The following CDK14 variants were observed in gnomAD, a reference collection of about 807,000 sequenced individuals.
CDK14 encodes the protein cyclin-dependent kinase 14.
CDK14 carries 34 observed loss-of-function variants against 60.7 expected under a neutral mutation model. That is an observed-to-expected ratio of 0.56 (90% CI 0.43 to 0.75). The LOEUF (loss-of-function observed/expected upper bound fraction) is 0.75, where lower values mean the gene tolerates loss of function less well. CDK14 is among the 30% of genes least tolerant of loss of function. CDK14 has a pLI of 0.00. For missense variants in CDK14, 482 were observed against 564.1 expected (o/e 0.85, Z 1.47); for synonymous variants, 197 against 203.7 (o/e 0.97, Z 0.28).
chr7:90,935,467 G>A (rs998963093), intron 8 of CDK14, among the ~76,000 whole-genome samples: 1 of 152,168 alleles, frequency 6.6e-6, no homozygotes, highest in South Asian at 2.1e-4. Flanking sequence ...TACAAAAGGG[G>A]AATGCACAGT....
chr7:91,160,733 T>C (rs1801145460), intron 14 of CDK14, among the ~76,000 whole-genome samples: 1 of 152,138 alleles, frequency 6.6e-6, no homozygotes, highest in Non-Finnish European at 1.5e-5. Context: ...TTCCTTTTTA[T>C]TTACTTTATT....
chr7:90,819,932 T>C (rs532063165), intron 5 of CDK14, among the ~76,000 whole-genome samples: 13 of 152,280 alleles, frequency 8.5e-5, no homozygotes, highest in African/African-American at 2.9e-4. Context: ...TTTCCAAATT[T>C]TTGGTCATCC....
At chr7:91,058,979 G>A (rs780569314) in intron 11 of CDK14, among the ~76,000 whole-genome samples, 31 of 152,316 alleles carry the variant, frequency 2.0e-4, no homozygotes, top group Non-Finnish European at 4.4e-4. Flanking sequence ...AGAAGGAATG[G>A]TACCAGCTCC....
intron 4 of CDK14, among the ~76,000 whole-genome samples, chr7:90,779,868 T>C (rs1805234165): frequency 6.6e-6 from 1 of 152,208 alleles, no homozygotes; most frequent in Admixed American, 6.5e-5. Context: ...AAATACACTT[T>C]GTTTGAATCC....
intron 7 of CDK14, 85 bp downstream of exon 7, chr7:90,899,438 A>ATTTAAATTT (rs1792433215): frequency 9.6e-7 from 1 of 1,041,336 alleles, no homozygotes; most frequent in Non-Finnish European, 1.3e-6. Context: ...ACCATAACAT[A>ATTTAAATTT]TTTAAATTTT....
intron 5 of CDK14, among the ~76,000 whole-genome samples, chr7:90,797,555 C>T (rs1023489813): frequency 5.3e-5 from 8 of 151,932 alleles, no homozygotes; most frequent in East Asian, 3.9e-4. Flanking sequence ...AGTAACCCTA[C>T]GTATTAATCC....
intron 6 of CDK14, among the ~76,000 whole-genome samples, chr7:90,879,311 G>A (rs767688758): frequency 1.3e-5 from 2 of 152,200 alleles, no homozygotes; most frequent in South Asian, 2.1e-4. Context: ...ACCCATGCTA[G>A]TGTTGTCATC....
At chr7:90,615,680 A>G (rs1343458028) in intron 2 of CDK14, among the ~76,000 whole-genome samples, 1 of 152,224 alleles carries the variant, frequency 6.6e-6, no homozygotes, top group Non-Finnish European at 1.5e-5. Flanking sequence ...ATATGAAATT[A>G]TAACCTGTGA....
chr7:90,915,951 T>A (rs1281582890), intron 7 of CDK14, among the ~76,000 whole-genome samples: 2 of 152,248 alleles, frequency 1.3e-5, no homozygotes, highest in African/African-American at 2.4e-5. Flanking sequence ...CTGATAAGAC[T>A]CTGCTAGATC....
chr7:90,861,835 G>A (rs2117216574), intron 5 of CDK14, among the ~76,000 whole-genome samples: 1 of 152,130 alleles, frequency 6.6e-6, no homozygotes, highest in South Asian at 2.1e-4. Context: ...ATAGAATAAA[G>A]TAGCCCACAT....
chr7:90,884,588 T>C (rs905609345), intron 6 of CDK14, among the ~76,000 whole-genome samples: 2 of 152,156 alleles, frequency 1.3e-5, no homozygotes, highest in Non-Finnish European at 2.9e-5. Context: ...AAAACCATTT[T>C]AAATTTCATA....
intron 2 of CDK14, among the ~76,000 whole-genome samples, chr7:90,697,720 C>A (rs985843729): frequency 6.6e-6 from 1 of 152,010 alleles, no homozygotes. Context: ...TGTAGAATAT[C>A]TAAATAGTAT....
intron 2 of CDK14, among the ~76,000 whole-genome samples, chr7:90,621,901 A>T (rs1563018920): frequency 6.6e-6 from 1 of 152,318 alleles, no homozygotes; most frequent in East Asian, 1.9e-4. Context: ...CCAGAAGTGG[A>T]GGTGACCCAG....
At chr7:90,604,516 T>C (rs1012366416) in intron 2 of CDK14, among the ~76,000 whole-genome samples, 8 of 152,212 alleles carry the variant, frequency 5.3e-5, no homozygotes, top group African/African-American at 1.2e-4. Context: ...GCCTTCTTGC[T>C]AGTGGTAGTG....
chr7:90,683,060 A>G (rs1273397108), intron 2 of CDK14, among the ~76,000 whole-genome samples: 1 of 152,090 alleles, frequency 6.6e-6, no homozygotes, highest in Non-Finnish European at 1.5e-5. Context: ...ATCTGTGGGG[A>G]GACATTTTAA....
chr7:90,923,648 T>C (rs954829224), intron 8 of CDK14, among the ~76,000 whole-genome samples: 14 of 152,140 alleles, frequency 9.2e-5, no homozygotes, highest in African/African-American at 3.4e-4. Flanking sequence ...ATCATGCATG[T>C]GAGGTAACGA....
intron 5 of CDK14, among the ~76,000 whole-genome samples, chr7:90,812,071 G>C (rs1430368160): frequency 6.6e-6 from 1 of 152,102 alleles, no homozygotes; most frequent in Admixed American, 6.5e-5. Flanking sequence ...ATTCCTCAGG[G>C]ATCTAGAACT....
chr7:90,862,930 A>T (rs1371476643), intron 5 of CDK14, among the ~76,000 whole-genome samples: 1 of 152,168 alleles, frequency 6.6e-6, no homozygotes, highest in Non-Finnish European at 1.5e-5. Flanking sequence ...CTGTAATCCC[A>T]GCTTGTCAGG....
At chr7:91,137,350 C>A (rs1056768398) in intron 14 of CDK14, among the ~76,000 whole-genome samples, 2 of 152,066 alleles carry the variant, frequency 1.3e-5, no homozygotes, top group African/African-American at 4.8e-5. Flanking sequence ...GGTCAGGCCG[C>A]TGGGGGCCAA....
Sources: gnomAD v4.1 joint callset for allele counts (sites outside exome capture counted in the v4.1 genomes callset) on GRCh38, gnomAD v4.1.1 for gene constraint, MANE v1.5 for transcripts, NCBI Gene and HGNC (gene_info 2026-07-23, HGNC 2026-07-21) for gene names.